The following GLG1 variants were observed in gnomAD, a reference collection of about 807,000 sequenced individuals.
GLG1 encodes the protein golgi glycoprotein 1.
Under a neutral mutation model 160.5 loss-of-function variants are expected in GLG1, and 38 were observed. The ratio of observed to expected loss-of-function variants is 0.24; its 90% CI spans 0.18 to 0.31. The LOEUF (loss-of-function observed/expected upper bound fraction) is 0.31. Ranked by LOEUF, GLG1 falls within the 10% of genes least tolerant of loss-of-function variation. The pLI is 1.00. For missense variants in GLG1, 1,373 were observed against 1,505.2 expected (o/e 0.91, Z 1.45); for synonymous variants, 644 against 543.4 (o/e 1.19, Z -2.57).
chr16:74,470,500 G>A lies in GLG1; in HGVS notation c.2230-427C>T, dbSNP rs375922527. On this transcript the variant is annotated intron_variant, in intron 15 of 25. Coordinates refer to ENST00000422840, the MANE Select transcript of GLG1 (RefSeq NM_001145667.2). ...CCTCTCTCTTGTCATCCAGGCTGGA[G>A]TGCAGTTGTGCGATCTCGGCTCACT... 4.8e-4 allele frequency among the ~76,000 whole-genome samples: 69 copies of A among 142,724 alleles called. No homozygotes were observed. In the East Asian group the frequency reaches 0.013, roughly 28 times the overall value. The allele number at this position is 142,724 out of a possible 152,430, so 93.6% of individuals were successfully genotyped here.
chr16:74,524,869 C>T (rs963050077), intron 2 of GLG1, among the ~76,000 whole-genome samples: 7 of 152,154 alleles, frequency 4.6e-5, no homozygotes, highest in Admixed American at 2.6e-4. Context: ...ACCTACCATT[C>T]CCCACTTCTC....
intron 2 of GLG1, among the ~76,000 whole-genome samples, chr16:74,528,994 T>C (rs2017439552): frequency 7.1e-6 from 1 of 141,012 alleles, no homozygotes; most frequent in African/African-American, 2.6e-5. Flanking sequence ...TGAGACAGAA[T>C]CTCGCTCTGT....
chr16:74,590,898 A>G (rs887596842), intron 1 of GLG1, among the ~76,000 whole-genome samples: 15 of 151,856 alleles, frequency 9.9e-5, no homozygotes, highest in Admixed American at 6.6e-4. Flanking sequence ...CAAACCTACC[A>G]AACTCAGAGT....
chr16:74,594,320 T>C (rs2143877371), intron 1 of GLG1, among the ~76,000 whole-genome samples: 1 of 152,302 alleles, frequency 6.6e-6, no homozygotes, highest in East Asian at 1.9e-4. Flanking sequence ...ATTCACCCTA[T>C]CAAGAATTAT....
intron 22 of GLG1, chr16:74,461,888 G>A (rs996323308): frequency 4.2e-6 from 2 of 480,532 alleles, no homozygotes; most frequent in Non-Finnish European, 7.3e-6. Context: ...AGAGAAATAT[G>A]GAACAACGCT....
At chr16:74,495,987 A>C (rs1269392741) in intron 5 of GLG1, among the ~76,000 whole-genome samples, 3 of 152,132 alleles carry the variant, frequency 2.0e-5, no homozygotes. Flanking sequence ...AAAATATTTA[A>C]GTCACAGTGG....
chr16:74,542,716 G>GGAAGGGA (rs752290157), intron 1 of GLG1, among the ~76,000 whole-genome samples: 3,845 of 28,396 alleles, frequency 0.14, 573 homozygotes, highest in African/African-American at 0.18. Context: ...AAGGGAAGAA[G>GGAAGGGA]GGAAGGAAGG....
In GLG1 at chr16:74,480,552, GTTC is replaced by G. The variant is rs1337811181; in HGVS notation, c.1674-161_1674-159del. Among the ~76,000 whole-genome samples the G allele has an allele frequency of 3.3e-5, 5 of 151,298 alleles. No homozygotes were observed. In the South Asian group the frequency reaches 8.3e-4, roughly 25 times the overall value. ...ATGTAAAAGTATATTCCTGAATTTT[GTTC>G]TTTTGTTTTTTTTTTTTGACACAGG... On this transcript the variant is annotated intron_variant, in intron 10 of 25. Coordinates refer to ENST00000422840, the MANE Select transcript of GLG1 (RefSeq NM_001145667.2).
chr16:74,534,188 T>C (rs1188861283), intron 1 of GLG1, among the ~76,000 whole-genome samples: 2 of 152,090 alleles, frequency 1.3e-5, no homozygotes, highest in African/African-American at 2.4e-5. Context: ...GATACTTTAA[T>C]GCCTTTTTAA....
At chr16:74,459,557 G>C (rs2014700404) in intron 23 of GLG1, 125 bp downstream of exon 23, 1 of 652,556 alleles carries the variant, frequency 1.5e-6, no homozygotes, top group Non-Finnish European at 2.7e-6. Context: ...AGCAAGAAAA[G>C]AGTGCTGGGC....
At chr16:74,469,334 A>G (rs947870775) in intron 16 of GLG1, 7 of 469,978 alleles carry the variant, frequency 1.5e-5, no homozygotes, top group African/African-American at 3.9e-5. Flanking sequence ...ACAGTTCAAC[A>G]TCTGTGTTAA....
At chr16:74,560,749 G>C (rs1002748810) in intron 1 of GLG1, among the ~76,000 whole-genome samples, 1 of 152,106 alleles carries the variant, frequency 6.6e-6, no homozygotes, top group Non-Finnish European at 1.5e-5. Context: ...TGGAGGCTGA[G>C]GCAGGAGGAT....
rs1227133023 is a variant in GLG1 at position 74,450,207 on chromosome 16, C to T, written c.*2960G>A. 6.6e-6 allele frequency: 1 copy of T among 152,266 alleles called. No homozygotes were observed. Among genetic ancestry groups the T allele is most frequent in the Non-Finnish European group, 1.5e-5 (1 of 68,072 alleles). 9.4% of individuals were successfully genotyped at this position (152,266 alleles called of 1,614,324 possible). A position where few individuals can be genotyped will look rare whatever the true frequency, so the allele number is the denominator to read the frequency against. On this transcript the variant is annotated 3_prime_UTR_variant, in exon 26 of 26. Transcript: ENST00000422840. ...TACTTCTATTACTGTTGGTGGGCTA[C>T]ACATCAGGAGAGTAGACACAGGCCA... is the stretch of plus-strand genomic sequence containing the variant.
intron 19 of GLG1, 125 bp downstream of exon 19, chr16:74,465,548 GTGC>G (rs541965848): frequency 5.4e-4 from 476 of 882,742 alleles, no homozygotes; most frequent in South Asian, 1.7e-3. Context: ...CTCCCAGGGG[GTGC>G]TGCTGCTGCT....
At chr16:74,547,424 A>G (rs548124043) in intron 1 of GLG1, among the ~76,000 whole-genome samples, 13 of 152,050 alleles carry the variant, frequency 8.5e-5, no homozygotes, top group Non-Finnish European at 1.9e-4. Flanking sequence ...AGACACAACA[A>G]AAGTGTCTTG....
At chr16:74,515,174 T>C (rs1043089670) in intron 2 of GLG1, among the ~76,000 whole-genome samples, 2 of 152,124 alleles carry the variant, frequency 1.3e-5, no homozygotes, top group African/African-American at 4.8e-5. Flanking sequence ...CAAAGAGACT[T>C]AGACTCTCAC....
chr16:74,509,973 C>G (rs997053595), intron 2 of GLG1, among the ~76,000 whole-genome samples: 2 of 152,000 alleles, frequency 1.3e-5, no homozygotes, highest in Non-Finnish European at 2.9e-5. Flanking sequence ...AAGTGCGAGC[C>G]AGCATGCCCA....
Position 74,450,174 on chromosome 16 carries a change from C to T in GLG1, c.*2993G>A, listed in dbSNP as rs972165554. 3 of 152,286 alleles carry T rather than the reference C, an allele frequency of 2.0e-5. No homozygotes were observed. The highest frequency in any genetic ancestry group is 2.9e-5 in the Non-Finnish European group (2 of 68,104). 9.4% of individuals were successfully genotyped at this position (152,286 alleles called of 1,614,324 possible). On this transcript the variant is annotated 3_prime_UTR_variant, in exon 26 of 26. Coordinates refer to ENST00000422840, the MANE Select transcript of GLG1 (RefSeq NM_001145667.2). ...GAAGCCTTAGCCTTGGCAAAACCCC[C>T]TACCCTCTACTTCTATTACTGTTGG...
At chr16:74,476,368 T>C (rs2015390881) in intron 12 of GLG1, among the ~76,000 whole-genome samples, 1 of 152,082 alleles carries the variant, frequency 6.6e-6, no homozygotes, top group African/African-American at 2.4e-5. Context: ...TTTCTAACAA[T>C]ATACCCAACA....
Sources: gnomAD v4.1 joint callset for allele counts (sites outside exome capture counted in the v4.1 genomes callset) on GRCh38, gnomAD v4.1.1 for gene constraint, MANE v1.5 for transcripts, NCBI Gene and HGNC (gene_info 2026-07-23, HGNC 2026-07-21) for gene names.